Variants in VAMP1 observed in about 807,000 individuals in gnomAD.
VAMP1 encodes the protein vesicle-associated membrane protein 1.
In VAMP1, 16 loss-of-function variants were observed where a neutral mutation model predicts 19.1. The ratio of observed to expected loss-of-function variants is 0.84; its 90% CI spans 0.57 to 1.27. The LOEUF (loss-of-function observed/expected upper bound fraction) is 1.27, where lower values mean the gene tolerates loss of function less well. Among genes scored for constraint, VAMP1 ranks in the 50% most tolerant of loss-of-function variants. The pLI, the probability that VAMP1 is intolerant of heterozygous loss-of-function variation, is 0.00. For synonymous variants in VAMP1, 37 were observed against 50.2 expected, an observed-to-expected ratio of 0.74 and a Z score of 1.11; for missense variants, 109 against 145.4, an observed-to-expected ratio of 0.75 and a Z score of 1.29.
chr12:6,466,146 A>G (rs1565527077), intron 2 of VAMP1, 79 bp downstream of exon 2: 11 of 1,612,098 alleles, frequency 6.8e-6, no homozygotes, highest in Non-Finnish European at 9.3e-6. Context: ...CTACGAAAAA[A>G]GGAGAAAAGA....
intron 1 of VAMP1, among the ~76,000 whole-genome samples, 165 bp downstream of exon 1, chr12:6,470,365 C>T (rs1446122617): frequency 1.3e-5 from 2 of 151,958 alleles, no homozygotes; most frequent in Non-Finnish European, 2.9e-5. Context: ...GAATGGGGTG[C>T]TGGCCCCCCT....
chr12:6,465,127 G>A, intron 3 of VAMP1, 186 bp from the exon 4 acceptor site: 1 of 760,348 alleles, frequency 1.3e-6, no homozygotes, highest in East Asian at 3.2e-5. Context: ...CATAACCACA[G>A]TATGTCTGTA....
In VAMP1 at chr12:6,464,463, T is replaced by C. The variant is rs777865936; in HGVS notation, c.*7A>G. On this transcript the variant is annotated 3_prime_UTR_variant, in exon 5 of 5. Transcript: ENST00000396308. ...GCAATGGACAACAGGGAAGGGGTGGTACATTCTCAAGTAAAAAAGTAGACT... is the reference window on the plus strand; with the variant it reads ...GCAATGGACAACAGGGAAGGGGTGGCACATTCTCAAGTAAAAAAGTAGACT... The C allele has an allele frequency of 5.5e-5, 86 of 1,553,912 alleles. 1 individual carries two copies. The Middle Eastern group carries it at 2.7e-3, about 49-fold the overall frequency.
chr12:6,465,442 G>GTA (rs1949995733), intron 3 of VAMP1: 2 of 131,252 alleles, frequency 1.5e-5, no homozygotes, highest in East Asian at 2.3e-4. Flanking sequence ...GTATATATAT[G>GTA]TATATATACA....
Position 6,465,730 on chromosome 12 carries a change from G to C in VAMP1, c.288+112C>G. 3 of 1,407,536 alleles carry C rather than the reference G, an allele frequency of 2.1e-6. No individual in the cohort carries two copies. In the East Asian group the frequency reaches 7.2e-5, roughly 34 times the overall value. The allele number at this position is 1,407,536 out of a possible 1,614,324, so 87.2% of individuals were successfully genotyped here. A position where few individuals can be genotyped will look rare whatever the true frequency, so the allele number is the denominator to read the frequency against. On this transcript the variant is annotated intron_variant, in intron 3 of 4. Coordinates refer to ENST00000396308, the MANE Select transcript of VAMP1 (RefSeq NM_014231.5). ...CAGATTTCCTCCCAAGCGTTATGCT[G>C]GTCAGAGAGATCCTGCACCATTAGA...
chr12:6,462,683 G>A lies in VAMP1; in HGVS notation c.*1787C>T, dbSNP rs572486499. Reference sequence around the variant, plus strand: ...ATAGGGCTGGGAGAGCCAAGAGGACGGATTCGCTCCAGGCTTGGGACACAT... The same window carrying A: ...ATAGGGCTGGGAGAGCCAAGAGGACAGATTCGCTCCAGGCTTGGGACACAT... On this transcript the variant is annotated 3_prime_UTR_variant, in exon 5 of 5. Coordinates refer to ENST00000396308, the MANE Select transcript of VAMP1 (RefSeq NM_014231.5). The A allele has an allele frequency of 2.7e-5, 23 of 850,992 alleles. 1 individual carries two copies. Among genetic ancestry groups the A allele is most frequent in the Middle Eastern group, 3.5e-4 (1 of 2,860 alleles). The allele number at this position is 850,992 out of a possible 1,614,324, so 52.7% of individuals were successfully genotyped here. A position where few individuals can be genotyped will look rare whatever the true frequency, so the allele number is the denominator to read the frequency against.
rs879553472 is a variant in VAMP1 at position 6,463,585 on chromosome 12, C to T, written c.*885G>A. On this transcript the variant is annotated 3_prime_UTR_variant, in exon 5 of 5. Coordinates refer to ENST00000396308, the MANE Select transcript of VAMP1 (RefSeq NM_014231.5). This position sits in a 1 kb window ranked among gnomAD's most constrained non-coding sequence, Gnocchi z 4.0. ...TGTTACTTTCAAATTAAGCACTTGA[C>T]TCACTGTTTCTCTATAACTAACAGG... is the stretch of plus-strand genomic sequence containing the variant. 7 of 1,062,912 alleles carry T rather than the reference C, an allele frequency of 6.6e-6. No individual in the cohort carries two copies. The highest frequency in any genetic ancestry group is 8.0e-6 in the Non-Finnish European group (7 of 875,668). The allele number at this position is 1,062,912 out of a possible 1,614,324, so 65.8% of individuals were successfully genotyped here.
Position 6,463,148 on chromosome 12 carries a change from C to A in VAMP1, c.*1322G>T. 1 of 1,457,406 alleles carries A rather than the reference C, an allele frequency of 6.9e-7. No individual in the cohort carries two copies. The highest frequency in any genetic ancestry group is 2.5e-5 in the Admixed American group (1 of 39,378). The allele number at this position is 1,457,406 out of a possible 1,614,324, so 90.3% of individuals were successfully genotyped here. On this transcript the variant is annotated 3_prime_UTR_variant, in exon 5 of 5. Coordinates refer to ENST00000396308, the MANE Select transcript of VAMP1 (RefSeq NM_014231.5). The surrounding 1 kb of genome is among the most constrained non-coding windows in gnomAD (Gnocchi z 4.0). ...CCATCCTCAGGTTCCACTGTCTATA[C>A]ACACAAACCATGCAAAGAGGAGGAA...
chr12:6,463,032 C>A lies in VAMP1; in HGVS notation c.*1438G>T. On this transcript the variant is annotated 3_prime_UTR_variant, in exon 5 of 5. Coordinates refer to ENST00000396308, the MANE Select transcript of VAMP1 (RefSeq NM_014231.5). This position sits in a 1 kb window ranked among gnomAD's most constrained non-coding sequence, Gnocchi z 4.0. ...TGGGCATTCTCCGCTCTGTTCCCAG[C>A]CTGCCCTCCTCCCCTTGCACCTGGG... is the stretch of plus-strand genomic sequence containing the variant. 1.3e-6 allele frequency: 2 copies of A among 1,545,510 alleles called. No homozygotes were observed. Among genetic ancestry groups the A allele is most frequent in the Non-Finnish European group, 1.7e-6 (2 of 1,146,892 alleles).
chr12:6,465,946 G>C lies in VAMP1; in HGVS notation c.184C>G (p.Leu62Val). 1 of 1,614,258 alleles carries C rather than the reference G, an allele frequency of 6.2e-7. No individual in the cohort carries two copies. Among genetic ancestry groups the C allele is most frequent in the Non-Finnish European group, 8.5e-7 (1 of 1,180,050 alleles). Reference sequence around the variant, plus strand: ...TCAGCTCGGTCATCCAGCTCTGACAGCTTCTGGTCCCTCTCCAGGACCTTG... The same window carrying C: ...TCAGCTCGGTCATCCAGCTCTGACACCTTCTGGTCCCTCTCCAGGACCTTG... ...VDKVLERDQK[L>V]SELDDRADAL... Residue 62 changes from leucine (L) to valine (V), a missense_variant, in exon 3 of 5, where the codon CTG becomes GTG. Coordinates refer to ENST00000396308, the MANE Select transcript of VAMP1 (RefSeq NM_014231.5).
rs1312326416 is a variant in VAMP1 at position 6,470,639 on chromosome 12, C to A, written c.-108G>T. On this transcript the variant is annotated 5_prime_UTR_variant, in exon 1 of 5. Coordinates refer to ENST00000396308, the MANE Select transcript of VAMP1 (RefSeq NM_014231.5). ...GACGGAACTGCCAAGCTCCGCCTCG[C>A]GCCGACTACCCCGCGGTCTAGCTGC... is the stretch of plus-strand genomic sequence containing the variant. The A allele has an allele frequency of 2.7e-6, 4 of 1,465,488 alleles. No homozygotes were observed. The African/African-American group carries it at 5.6e-5, about 20-fold the overall frequency. The allele number at this position is 1,465,488 out of a possible 1,614,324, so 90.8% of individuals were successfully genotyped here.
chr12:6,469,801 G>A (rs562195807), intron 1 of VAMP1, among the ~76,000 whole-genome samples: 10 of 152,326 alleles, frequency 6.6e-5, no homozygotes, highest in Non-Finnish European at 1.3e-4. Context: ...AAGACTGCTG[G>A]AGACTAAACT....
intron 3 of VAMP1, 150 bp from the exon 4 acceptor site, chr12:6,465,091 CCCTACCCTT>C: frequency 8.9e-7 from 1 of 1,127,960 alleles, no homozygotes; most frequent in Non-Finnish European, 1.2e-6. Context: ...CTTAGAGAGG[CCCTACCCTT>C]CTGCTTCCCA....
intron 1 of VAMP1, among the ~76,000 whole-genome samples, chr12:6,469,413 C>A (rs1945712065): frequency 6.6e-6 from 1 of 152,154 alleles, no homozygotes; most frequent in African/African-American, 2.4e-5. Context: ...AAGCCCCCTC[C>A]CCAAAATGAA....
intron 1 of VAMP1, among the ~76,000 whole-genome samples, chr12:6,469,083 C>T (rs1226040801): frequency 6.6e-6 from 1 of 152,198 alleles, no homozygotes; most frequent in Non-Finnish European, 1.5e-5. Context: ...CTCAGAGAGG[C>T]TATGGTAGCA....
At position 6,464,303 on chromosome 12, in the gene VAMP1, T is replaced by C. The variant is rs1279300975; in HGVS notation, c.*167A>G. On this transcript the variant is annotated 3_prime_UTR_variant, in exon 5 of 5. Transcript: ENST00000396308. ...GTGCCACGAGCAGCATTTCTAGTGT[T>C]GAGGGACAGAGTGCAAATGAACGCA... 1 of 1,544,668 alleles carries C rather than the reference T, an allele frequency of 6.5e-7. No homozygotes were observed. The highest frequency in any genetic ancestry group is 8.7e-7 in the Non-Finnish European group (1 of 1,143,854).
chr12:6,470,512 ACAC>A lies in VAMP1; in HGVS notation c.2+15_2+17del, dbSNP rs1353612135. ...GTTGTCAAGGAGGTGCCGAGCCCCC[ACAC>A]CAGAGTCAACTCACATTTTTCTGAC... On this transcript the variant is annotated intron_variant, in intron 1 of 4. Coordinates refer to ENST00000396308, the MANE Select transcript of VAMP1 (RefSeq NM_014231.5). 7 of 1,613,994 alleles carry A rather than the reference ACAC, an allele frequency of 4.3e-6. No homozygotes were observed. The highest frequency in any genetic ancestry group is 5.9e-6 in the Non-Finnish European group (7 of 1,179,902).
intron 1 of VAMP1, among the ~76,000 whole-genome samples, chr12:6,467,971 T>C (rs1473654369): frequency 6.6e-6 from 1 of 152,236 alleles, no homozygotes; most frequent in Non-Finnish European, 1.5e-5. Flanking sequence ...AGAAGATGTA[T>C]GGAAACGCCT....
rs562091139 is a variant in VAMP1, at chr12:6,464,094, T to G, written c.*376A>C. On this transcript the variant is annotated 3_prime_UTR_variant, in exon 5 of 5. Transcript: ENST00000396308. Reference sequence around the variant, plus strand: ...TGGCCAGGTTTTCTAGAAGTCACCATGGGCACCGATACTCTTCTCCTCCCA... The same window carrying G: ...TGGCCAGGTTTTCTAGAAGTCACCAGGGGCACCGATACTCTTCTCCTCCCA... 1.5e-6 allele frequency: 2 copies of G among 1,311,080 alleles called. No homozygotes were observed. Among genetic ancestry groups the G allele is most frequent in the Admixed American group, 2.3e-5 (1 of 44,092 alleles). 81.2% of individuals were successfully genotyped at this position (1,311,080 alleles called of 1,614,324 possible). A position where few individuals can be genotyped will look rare whatever the true frequency, so the allele number is the denominator to read the frequency against.
Sources: gnomAD v4.1 joint callset for allele counts (sites outside exome capture counted in the v4.1 genomes callset) on GRCh38, gnomAD v4.1.1 for gene constraint, Gnocchi (gnomAD v3.1) non-coding constraint, MANE v1.5 for transcripts, NCBI Gene and HGNC (gene_info 2026-07-23, HGNC 2026-07-21) for gene names.